Variants in UBE2L3 observed in about 807,000 individuals in gnomAD.
UBE2L3 encodes the protein ubiquitin conjugating enzyme E2 L3.
A neutral mutation model predicts 17.8 loss-of-function variants in UBE2L3; 1 was observed. The observed-to-expected ratio is 0.06, with a 90% CI of 0.02 to 0.27. The LOEUF is 0.27. Ranked by LOEUF, UBE2L3 falls within the 10% of genes least tolerant of loss-of-function variation. The pLI is 1.00. For synonymous variants in UBE2L3, 44 were observed against 68.5 expected (o/e 0.64, Z 1.76); for missense variants, 40 against 192.6 (o/e 0.21, Z 4.69).
chr22:21,585,053 A>G (rs895706127), intron 1 of UBE2L3, among the ~76,000 whole-genome samples: 2 of 152,248 alleles, frequency 1.3e-5, no homozygotes, highest in African/African-American at 2.4e-5. Context: ...AGACAGATGT[A>G]TGTCATCTTC....
At chr22:21,605,300 C>A (rs368501796) in intron 2 of UBE2L3, among the ~76,000 whole-genome samples, 15 of 152,268 alleles carry the variant, frequency 9.9e-5, no homozygotes, top group African/African-American at 3.6e-4. Flanking sequence ...TCACTGCAGC[C>A]GGTGCCTCCT....
chr22:21,568,997 A>G (rs968285062), intron 1 of UBE2L3, among the ~76,000 whole-genome samples: 2 of 152,188 alleles, frequency 1.3e-5, no homozygotes, highest in African/African-American at 4.8e-5. Context: ...TAAGCTAGTG[A>G]CACCACCATT....
chr22:21,604,035 C>T (rs1252850026), intron 2 of UBE2L3, among the ~76,000 whole-genome samples: 1 of 151,028 alleles, frequency 6.6e-6, no homozygotes, highest in African/African-American at 2.4e-5. Flanking sequence ...CCTCGGCCTT[C>T]CAAAGTGCTG....
chr22:21,570,979 T>C (rs1191670921), intron 1 of UBE2L3, among the ~76,000 whole-genome samples: 1 of 152,234 alleles, frequency 6.6e-6, no homozygotes, highest in Non-Finnish European at 1.5e-5. Flanking sequence ...TAAAACACAT[T>C]ATTAAAAGTA....
At chr22:21,609,232 A>G (rs77295419) in intron 2 of UBE2L3, among the ~76,000 whole-genome samples, 1,926 of 152,300 alleles carry the variant, frequency 0.013, 99 homozygotes, top group South Asian at 0.13. Flanking sequence ...ATGTCTTACC[A>G]TTGGATCCAG....
upstream of UBE2L3, among the ~76,000 whole-genome samples, chr22:21,565,176 T>C (rs1340107203): frequency 6.6e-6 from 1 of 151,910 alleles, no homozygotes; most frequent in African/African-American, 2.4e-5. Context: ...CACGGCAAGC[T>C]CCGCCTCCCG....
chr22:21,556,276 C>T (rs1926221619), intron 1 of UBE2L3, among the ~76,000 whole-genome samples: 1 of 152,156 alleles, frequency 6.6e-6, no homozygotes, highest in African/African-American at 2.4e-5. Flanking sequence ...GTGCCTGTAG[C>T]CCCAGCTACT....
At chr22:21,586,233 C>T (rs1192299524) in intron 1 of UBE2L3, among the ~76,000 whole-genome samples, 1 of 151,974 alleles carries the variant, frequency 6.6e-6, no homozygotes, top group Non-Finnish European at 1.5e-5. Flanking sequence ...GAGCCACCGC[C>T]CCTGGCTCCT....
At chr22:21,576,843 G>GC (rs1473914956) in intron 1 of UBE2L3, among the ~76,000 whole-genome samples, 1 of 127,162 alleles carries the variant, frequency 7.9e-6, no homozygotes, top group Non-Finnish European at 1.5e-5. Flanking sequence ...TCGCTCTGTC[G>GC]CCCAAGCTGG....
At chr22:21,603,032 G>C (rs1928946363) in intron 2 of UBE2L3, among the ~76,000 whole-genome samples, 1 of 152,156 alleles carries the variant, frequency 6.6e-6, no homozygotes, top group Non-Finnish European at 1.5e-5. Context: ...ATATGGGCTG[G>C]AGATGGCACG....
At chr22:21,616,766 C>T (rs1203263240) in intron 3 of UBE2L3, among the ~76,000 whole-genome samples, 1 of 150,260 alleles carries the variant, frequency 6.7e-6, no homozygotes, top group African/African-American at 2.4e-5. Flanking sequence ...TTTTAAAGCA[C>T]ATTCCATGGA....
At chr22:21,590,749 T>A (rs1928214609) in intron 1 of UBE2L3, among the ~76,000 whole-genome samples, 1 of 152,216 alleles carries the variant, frequency 6.6e-6, no homozygotes, top group Non-Finnish European at 1.5e-5. Context: ...TAGCCAAGAA[T>A]CTTACTCTAG....
At chr22:21,579,543 G>A (rs1030692936) in intron 1 of UBE2L3, among the ~76,000 whole-genome samples, 2 of 152,168 alleles carry the variant, frequency 1.3e-5, no homozygotes, top group African/African-American at 4.8e-5. Flanking sequence ...GGCTGAGGCA[G>A]GAGGATCACT....
chr22:21,552,715 A>C (rs1316880114), intron 1 of UBE2L3, among the ~76,000 whole-genome samples: 1 of 22,156 alleles, frequency 4.5e-5, no homozygotes, highest in Non-Finnish European at 7.5e-5. Flanking sequence ...ATGGCTCCAG[A>C]TGTTCTTTTT....
At chr22:21,573,218 T>TTA (rs1370567933) in intron 1 of UBE2L3, among the ~76,000 whole-genome samples, 1 of 152,038 alleles carries the variant, frequency 6.6e-6, no homozygotes, top group Non-Finnish European at 1.5e-5. Context: ...GGAGCAGAAT[T>TTA]TAGTAGGGTG....
intron 1 of UBE2L3, among the ~76,000 whole-genome samples, chr22:21,573,190 G>T (rs1020783830): frequency 2.6e-5 from 4 of 152,154 alleles, no homozygotes; most frequent in Non-Finnish European, 5.9e-5. Flanking sequence ...ACATGAGCAG[G>T]CCCTGCTCTC....
intron 2 of UBE2L3, among the ~76,000 whole-genome samples, chr22:21,599,187 C>T (rs1928723173): frequency 6.6e-6 from 1 of 152,130 alleles, no homozygotes; most frequent in Non-Finnish European, 1.5e-5. Flanking sequence ...CTCATTCCTC[C>T]TTTCTGCATT....
chr22:21,579,212 G>C (rs559670823), intron 1 of UBE2L3, among the ~76,000 whole-genome samples: 64 of 152,000 alleles, frequency 4.2e-4, no homozygotes, highest in African/African-American at 1.4e-3. Flanking sequence ...GGATGGTCTC[G>C]AACTTCTGAC....
At chr22:21,555,194 T>G (rs2148387492) in intron 1 of UBE2L3, 1 of 150,622 alleles carries the variant, frequency 6.6e-6, no homozygotes, top group Admixed American at 6.6e-5. Context: ...GAGGCTTGCT[T>G]GGATCCAGGA....
Sources: allele counts gnomAD v4.1 joint callset (sites outside exome capture counted in the v4.1 genomes callset), GRCh38; gene constraint gnomAD v4.1.1; transcripts MANE v1.5; gene names NCBI Gene and HGNC (gene_info 2026-07-23, HGNC 2026-07-21).